Variants in KCNAB1 observed in about 807,000 individuals in gnomAD.
KCNAB1 encodes the protein voltage-gated potassium channel subunit beta-1.
In KCNAB1, 35 loss-of-function variants were observed where a neutral mutation model predicts 64.6. That is an observed-to-expected ratio of 0.54 (90% CI 0.41 to 0.72). The LOEUF (loss-of-function observed/expected upper bound fraction) is 0.72. Ranked by LOEUF, KCNAB1 falls within the 30% of genes least tolerant of loss-of-function variation. The pLI is 0.00. For missense variants in KCNAB1, 401 were observed against 512.9 expected (o/e 0.78, Z 2.11); for synonymous variants, 177 against 183.8 (o/e 0.96, Z 0.30).
intron 8 of KCNAB1, among the ~76,000 whole-genome samples, chr3:156,489,399 T>A (rs577007167): frequency 5.9e-5 from 9 of 151,288 alleles, no homozygotes; most frequent in African/African-American, 2.2e-4. Context: ...TCAAGTAAGA[T>A]GAAGACGGGA....
At chr3:156,412,577 A>G (rs1225751644) in intron 1 of KCNAB1, among the ~76,000 whole-genome samples, 1 of 152,384 alleles carries the variant, frequency 6.6e-6, no homozygotes, top group African/African-American at 2.4e-5. Context: ...GAAGACAAAT[A>G]TAAATCAGGC....
chr3:156,323,636 G>A (rs1722804733), intron 1 of KCNAB1, among the ~76,000 whole-genome samples: 1 of 152,096 alleles, frequency 6.6e-6, no homozygotes. Flanking sequence ...TTTTATGTTG[G>A]TAAAGGTTGA....
At chr3:156,462,701 C>A (rs1018253825) in intron 5 of KCNAB1, among the ~76,000 whole-genome samples, 1 of 152,172 alleles carries the variant, frequency 6.6e-6, no homozygotes, top group African/African-American at 2.4e-5. Context: ...AGCCCTGAGG[C>A]GTTGACCCTA....
chr3:156,148,644 T>C (rs1028908435), intron 1 of KCNAB1, among the ~76,000 whole-genome samples: 1 of 152,250 alleles, frequency 6.6e-6, no homozygotes, highest in Non-Finnish European at 1.5e-5. Flanking sequence ...CTTGGCTCAC[T>C]GCCTGCTAGC....
At chr3:156,264,010 A>G (rs1049802932) in intron 1 of KCNAB1, among the ~76,000 whole-genome samples, 1 of 152,092 alleles carries the variant, frequency 6.6e-6, no homozygotes, top group Non-Finnish European at 1.5e-5. Context: ...GAGGCATTAA[A>G]ATCGCCAAGA....
chr3:156,390,623 C>A (rs1348875951), intron 1 of KCNAB1, among the ~76,000 whole-genome samples: 4 of 151,942 alleles, frequency 2.6e-5, no homozygotes, highest in African/African-American at 9.7e-5. Flanking sequence ...CGCTCTGTTG[C>A]CCAGGCTGGA....
intron 1 of KCNAB1, among the ~76,000 whole-genome samples, chr3:156,167,121 T>C (rs1003656995): frequency 2.0e-5 from 3 of 152,202 alleles, no homozygotes; most frequent in African/African-American, 4.8e-5. Context: ...TGCACCACCA[T>C]GTCCACATAC....
intron 1 of KCNAB1, among the ~76,000 whole-genome samples, chr3:156,355,091 A>G (rs1725143837): frequency 6.6e-6 from 1 of 152,194 alleles, no homozygotes; most frequent in Non-Finnish European, 1.5e-5. Context: ...GTTAAGCCTG[A>G]TTTATAGGGA....
chr3:156,394,311 G>A (rs1713264134), intron 1 of KCNAB1, among the ~76,000 whole-genome samples: 1 of 152,172 alleles, frequency 6.6e-6, no homozygotes, highest in African/African-American at 2.4e-5. Flanking sequence ...TAAGTCAAGT[G>A]TTGATTCTGC....
chr3:156,519,038 C>A (rs1243133461), intron 11 of KCNAB1, among the ~76,000 whole-genome samples: 1 of 152,174 alleles, frequency 6.6e-6, no homozygotes, highest in Non-Finnish European at 1.5e-5. Context: ...TTCAACAAGG[C>A]ACCAAATCCT....
At position 156,537,113 on chromosome 3, in the gene KCNAB1, G is replaced by T; in HGVS notation, c.*366G>T. On this transcript the variant is annotated 3_prime_UTR_variant, in exon 14 of 14. Coordinates refer to ENST00000490337, the MANE Select transcript of KCNAB1 (RefSeq NM_172160.3). ...TTTTTTCAAAAGAACAAAATCCACA[G>T]ATGCAATGTGAGTTGCGTAAGAAAC... is the stretch of plus-strand genomic sequence containing the variant. 1 of 401,894 alleles carries T rather than the reference G, an allele frequency of 2.5e-6. No individual in the cohort carries two copies. Among genetic ancestry groups the T allele is most frequent in the East Asian group, 3.5e-5 (1 of 28,224 alleles). The allele number at this position is 401,894 out of a possible 1,614,324, so 24.9% of individuals were successfully genotyped here.
At chr3:156,151,208 A>T (rs1355444934) in intron 1 of KCNAB1, among the ~76,000 whole-genome samples, 2 of 152,322 alleles carry the variant, frequency 1.3e-5, no homozygotes, top group South Asian at 4.1e-4. Flanking sequence ...CTCATCACCA[A>T]GTTAGGAGAT....
At chr3:156,522,885 G>C (rs527499531) in intron 11 of KCNAB1, among the ~76,000 whole-genome samples, 2 of 152,246 alleles carry the variant, frequency 1.3e-5, no homozygotes, top group Admixed American at 6.5e-5. Flanking sequence ...ACCACACAGT[G>C]TGATGATTTT....
At chr3:156,310,657 A>G (rs1190738262) in intron 1 of KCNAB1, among the ~76,000 whole-genome samples, 2 of 152,112 alleles carry the variant, frequency 1.3e-5, no homozygotes, top group African/African-American at 4.8e-5. Flanking sequence ...ACAAAAAATT[A>G]GCCGGGCGGG....
intron 1 of KCNAB1, among the ~76,000 whole-genome samples, chr3:156,255,445 G>T (rs4679771): frequency 0.57 from 86,081 of 151,924 alleles, 25,345 homozygotes; most frequent in East Asian, 0.79. Context: ...TGTGGCCCCA[G>T]TCAGAGTCCC....
chr3:156,489,807 A>AT (rs201840958), intron 8 of KCNAB1, among the ~76,000 whole-genome samples: 1,568 of 152,110 alleles, frequency 0.01, 34 homozygotes, highest in African/African-American at 0.036. Flanking sequence ...CTGAGGAAAG[A>AT]TTTTTTTTAA....
intron 8 of KCNAB1, among the ~76,000 whole-genome samples, chr3:156,475,985 G>GC (rs891411615): frequency 2.0e-5 from 3 of 152,074 alleles, no homozygotes; most frequent in African/African-American, 7.2e-5. Flanking sequence ...TTATTATAAA[G>GC]CAGTATCAGC....
At chr3:156,521,529 T>G (rs1717939443) in intron 11 of KCNAB1, among the ~76,000 whole-genome samples, 3 of 152,176 alleles carry the variant, frequency 2.0e-5, no homozygotes, top group Admixed American at 2.0e-4. Context: ...TCTGCTAGGT[T>G]TAGAAAAACC....
chr3:156,209,266 G>A lies in KCNAB1; in HGVS notation c.275+88380G>A, dbSNP rs138406079. On this transcript the variant is annotated intron_variant, in intron 1 of 13. Coordinates refer to ENST00000490337, the MANE Select transcript of KCNAB1 (RefSeq NM_172160.3). ...GTTGAGCTGGAGTTGGATTAGGGTG[G>A]GTACTCTAGGCAGAGCAAATAGCAT... Among the ~76,000 whole-genome samples, 423 of 152,206 alleles carry A rather than the reference G, an allele frequency of 2.8e-3. 3 individuals carry two copies. Among genetic ancestry groups the A allele is most frequent in the African/African-American group, 9.4e-3 (391 of 41,518 alleles).
Sources: gnomAD v4.1 joint callset for allele counts (sites outside exome capture counted in the v4.1 genomes callset) on GRCh38, gnomAD v4.1.1 for gene constraint, MANE v1.5 for transcripts, NCBI Gene and HGNC (gene_info 2026-07-23, HGNC 2026-07-21) for gene names.